Variants in ARHGEF10L observed in about 807,000 individuals in gnomAD.
ARHGEF10L encodes Rho guanine nucleotide exchange factor 10 like, also known as rho guanine nucleotide exchange factor 10-like protein.
Under a neutral mutation model 141.2 loss-of-function variants are expected in ARHGEF10L, and 69 were observed. That is an observed-to-expected ratio of 0.49 (90% CI 0.40 to 0.60). ARHGEF10L has a LOEUF of 0.60. ARHGEF10L is among the 20% of genes least tolerant of loss of function. The pLI, the probability that ARHGEF10L is intolerant of heterozygous loss-of-function variation, is 0.00. For missense variants in ARHGEF10L, 1,482 were observed against 1,734.3 expected (o/e 0.85, Z 2.58); for synonymous variants, 711 against 718.5 (o/e 0.99, Z 0.17).
chr1:17,621,830 C>T lies in ARHGEF10L; in HGVS notation c.943-34C>T. The stretch of plus-strand genomic sequence containing the variant: ...CACTTGGGCCCTGTGCAGCAGGTGT[C>T]ATGTGCGCTGACCGTGCTTTTTGGC... On this transcript the variant is annotated intron_variant, in intron 10 of 28. Coordinates refer to ENST00000361221, the MANE Select transcript of ARHGEF10L (RefSeq NM_018125.4). The surrounding 1 kb of genome is among the most constrained non-coding windows in gnomAD (Gnocchi z 4.1). 1 of 1,602,540 alleles carries T rather than the reference C, an allele frequency of 6.2e-7. No individual in the cohort carries two copies. The highest frequency in any genetic ancestry group is 8.6e-7 in the Non-Finnish European group (1 of 1,169,510).
At chr1:17,633,858 C>T (rs889319419) in intron 16 of ARHGEF10L, among the ~76,000 whole-genome samples, 12 of 152,264 alleles carry the variant, frequency 7.9e-5, no homozygotes, top group Admixed American at 3.3e-4. Flanking sequence ...CCATGGTTAC[C>T]GATCACGAGT....
intron 1 of ARHGEF10L, among the ~76,000 whole-genome samples, chr1:17,576,155 G>C (rs980998870): frequency 6.6e-6 from 1 of 152,170 alleles, no homozygotes; most frequent in Non-Finnish European, 1.5e-5. Context: ...GGATGGGGCA[G>C]CTTGATGTGT....
At chr1:17,579,056 T>C (rs2078352958) in intron 1 of ARHGEF10L, among the ~76,000 whole-genome samples, 1 of 152,116 alleles carries the variant, frequency 6.6e-6, no homozygotes, top group Admixed American at 6.5e-5. Context: ...AGTCTTGCTC[T>C]GTTTCCCAGA....
chr1:17,520,562 G>A, the ARHGEF10L span, among the ~76,000 whole-genome samples: 1 of 152,084 alleles, frequency 6.6e-6, no homozygotes, highest in Non-Finnish European at 1.5e-5. Flanking sequence ...TGACACCCTT[G>A]TGTGTCAGGC....
upstream of ARHGEF10L, among the ~76,000 whole-genome samples, chr1:17,538,292 G>GTCCT (rs1451044154): frequency 5.3e-5 from 8 of 151,956 alleles, no homozygotes; most frequent in African/African-American, 1.9e-4. Flanking sequence ...CCTGTCTGCT[G>GTCCT]TCCTGCCATC....
In ARHGEF10L at chr1:17,639,461, C is replaced by A. The variant is rs1279063009; in HGVS notation, c.2172-741C>A. On this transcript the variant is annotated intron_variant, in intron 20 of 28. Coordinates refer to ENST00000361221, the MANE Select transcript of ARHGEF10L (RefSeq NM_018125.4). This position sits in a 1 kb window ranked among gnomAD's most constrained non-coding sequence, Gnocchi z 4.3. ...TGGAGCACTATCATTTGAGGTAGGA[C>A]CATGGGCTCAGTCCCCCAGGGGACC... Among the ~76,000 whole-genome samples, 2 of 152,202 alleles carry A rather than the reference C, an allele frequency of 1.3e-5. No individual in the cohort carries two copies. The highest frequency in any genetic ancestry group is 2.9e-5 in the Non-Finnish European group (2 of 68,030).
At chr1:17,517,490 G>C in the ARHGEF10L span, among the ~76,000 whole-genome samples, 6 of 151,148 alleles carry the variant, frequency 4.0e-5, no homozygotes, top group African/African-American at 9.7e-5. Flanking sequence ...TGCCTGGCTA[G>C]TTTTTGTAGA....
Position 17,621,006 on chromosome 1 carries a change from C to T in ARHGEF10L, c.943-858C>T, listed in dbSNP as rs2060079645. ...ACCATGCTCGACGGGGTACTGCAGG[C>T]TGCAGCTGAGGGGTTGTGATCCACT... On this transcript the variant is annotated intron_variant, in intron 10 of 28. Transcript: ENST00000361221. This position sits in a 1 kb window ranked among gnomAD's most constrained non-coding sequence, Gnocchi z 4.1. 6.6e-6 allele frequency among the ~76,000 whole-genome samples: 1 copy of T among 152,116 alleles called. No individual in the cohort carries two copies.
At chr1:17,674,126 A>G (rs1404179164) in intron 26 of ARHGEF10L, among the ~76,000 whole-genome samples, 2 of 152,172 alleles carry the variant, frequency 1.3e-5, no homozygotes, top group African/African-American at 2.4e-5. Context: ...CAGTGCAAGT[A>G]CAGGCATTGA....
At position 17,603,559 on chromosome 1, in the gene ARHGEF10L, T is replaced by A. The variant is rs762136152; in HGVS notation, c.401T>A (p.Val134Asp). 18 of 1,613,542 alleles carry A rather than the reference T, an allele frequency of 1.1e-5. No individual in the cohort carries two copies. The South Asian group carries it at 2.0e-4, about 18-fold the overall frequency. Residue 134 changes from valine (V) to aspartate (D), a missense_variant, in exon 6 of 29, where the codon GTC (valine) becomes GAC (aspartate). Coordinates refer to ENST00000361221, the MANE Select transcript of ARHGEF10L (RefSeq NM_018125.4). The surrounding 1 kb of genome is among the most constrained non-coding windows in gnomAD (Gnocchi z 4.8). Reference sequence around the variant, plus strand: ...GAAGAGGATGTGATTTATGACGACGTCCCCTGCGAGAGCCCAGATGCGCAT... The same window carrying A: ...GAAGAGGATGTGATTTATGACGACGACCCCTGCGAGAGCCCAGATGCGCAT... Reference protein sequence around the residue: ...ALEEDVIYDDVPCESPDAHQP... With the variant: ...ALEEDVIYDDDPCESPDAHQP...
intron 27 of ARHGEF10L, among the ~76,000 whole-genome samples, chr1:17,690,425 C>A (rs1041467058): frequency 6.6e-6 from 1 of 152,260 alleles, no homozygotes; most frequent in East Asian, 1.9e-4. Context: ...AAGCCAGCAG[C>A]GGTCCATGAT....
At chr1:17,622,026 C>T (rs1025865533) in intron 11 of ARHGEF10L, 85 bp downstream of exon 11, 96 of 1,451,638 alleles carry the variant, frequency 6.6e-5, no homozygotes, top group Non-Finnish European at 8.9e-5. Context: ...TGTTTGGGGA[C>T]TGTGGGCAGT....
chr1:17,580,506 T>A lies in ARHGEF10L; in HGVS notation c.-43-47T>A, dbSNP rs999442260. 7.1e-6 allele frequency: 11 copies of A among 1,549,798 alleles called. No individual in the cohort carries two copies. The African/African-American group carries it at 1.1e-4, about 15-fold the overall frequency. On this transcript the variant is annotated intron_variant, in intron 1 of 28. Transcript: ENST00000361221. Reference sequence around the variant, plus strand: ...AGTGACTTGTCTCAGTAGCTGAAACTGCAGCCCTGACTCCAGCTAATGCGA... The same window carrying A: ...AGTGACTTGTCTCAGTAGCTGAAACAGCAGCCCTGACTCCAGCTAATGCGA...
At chr1:17,691,280 G>T (rs1257049591) in intron 27 of ARHGEF10L, 21 of 348,000 alleles carry the variant, frequency 6.0e-5, no homozygotes, top group South Asian at 4.8e-4. Context: ...TGTTTGTGAA[G>T]TGTCTTGCTC....
intron 18 of ARHGEF10L, among the ~76,000 whole-genome samples, chr1:17,636,418 A>G (rs958674419): frequency 2.6e-5 from 4 of 152,218 alleles, no homozygotes; most frequent in Non-Finnish European, 5.9e-5. Flanking sequence ...ATTGAATAAA[A>G]ATAAAGCTAC....
At chr1:17,581,390 G>C (rs1346311259) in intron 2 of ARHGEF10L, among the ~76,000 whole-genome samples, 3 of 151,140 alleles carry the variant, frequency 2.0e-5, no homozygotes, top group African/African-American at 7.3e-5. Flanking sequence ...TCGTTTATCT[G>C]AAATTCAAGT....
intron 16 of ARHGEF10L, 110 bp from the exon 17 acceptor site, chr1:17,634,435 CCTT>C: frequency 1.3e-6 from 2 of 1,560,540 alleles, no homozygotes; most frequent in Non-Finnish European, 1.8e-6. Context: ...GGCTGTCTCT[CCTT>C]CTATTCCCGA....
the ARHGEF10L span, among the ~76,000 whole-genome samples, chr1:17,523,994 C>T: frequency 2.6e-5 from 4 of 152,178 alleles, no homozygotes; most frequent in East Asian, 1.9e-4. Context: ...CTTGGACCTC[C>T]GGATATGGGT....
At chr1:17,572,975 G>A (rs978883679) in intron 1 of ARHGEF10L, among the ~76,000 whole-genome samples, 1 of 152,162 alleles carries the variant, frequency 6.6e-6, no homozygotes, top group Admixed American at 6.5e-5. Context: ...CCTGGGGAGT[G>A]GTAGACACCC....
Sources: allele counts gnomAD v4.1 joint callset (sites outside exome capture counted in the v4.1 genomes callset), GRCh38; gene constraint gnomAD v4.1.1; non-coding constraint Gnocchi (gnomAD v3.1); transcripts MANE v1.5; gene names NCBI Gene and HGNC (gene_info 2026-07-23, HGNC 2026-07-21).